The following HDAC8 variants were observed in gnomAD, a reference collection of about 807,000 sequenced individuals.
The protein encoded by HDAC8 is histone deacetylase-like 1.
HDAC8 carries 1 observed loss-of-function variant against 32.2 expected under a neutral mutation model. The observed-to-expected ratio is 0.03, with a 90% CI of 0.01 to 0.15. The LOEUF (loss-of-function observed/expected upper bound fraction) is 0.15. HDAC8 is among the 10% of genes least tolerant of loss of function. The pLI, the probability that HDAC8 is intolerant of heterozygous loss-of-function variation, is 1.00. For synonymous variants in HDAC8, 108 were observed against 113.9 expected (o/e 0.95, Z 0.33); for missense variants, 117 against 300.0 (o/e 0.39, Z 4.51).
chrX:72,530,445 T>G (rs995456756), intron 4 of HDAC8, among the ~76,000 whole-genome samples: 1 of 80,299 alleles, frequency 1.2e-5, no homozygotes, highest in Non-Finnish European at 2.3e-5. Flanking sequence ...ATTTTATGCG[T>G]TTTTTTTTTT....
At chrX:72,391,863 C>A (rs1555963979) in intron 9 of HDAC8, among the ~76,000 whole-genome samples, 1 of 111,300 alleles carries the variant, frequency 9.0e-6, no homozygotes, top group Non-Finnish European at 1.9e-5. Flanking sequence ...TGCAAGGAAC[C>A]TCTACTCTCA....
At chrX:72,378,281 A>T in intron 9 of HDAC8, among the ~76,000 whole-genome samples, 1 of 111,452 alleles carries the variant, frequency 9.0e-6, no homozygotes, top group Non-Finnish European at 1.9e-5. Context: ...TGCCATTCTC[A>T]TGGTAGTGAG....
intron 9 of HDAC8, among the ~76,000 whole-genome samples, chrX:72,435,787 G>T (rs2046932402): frequency 9.0e-6 from 1 of 110,869 alleles, no homozygotes; most frequent in Non-Finnish European, 1.9e-5. Context: ...GGCCAACATG[G>T]TGAAATCCTG....
At chrX:72,541,765 G>A (rs2050716306) in intron 4 of HDAC8, among the ~76,000 whole-genome samples, 1 of 111,230 alleles carries the variant, frequency 9.0e-6, no homozygotes. Context: ...AGGAGTCAAG[G>A]GCAATTCTGA....
At chrX:72,444,273 T>C (rs2047293858) in intron 9 of HDAC8, among the ~76,000 whole-genome samples, 1 of 105,234 alleles carries the variant, frequency 9.5e-6, no homozygotes, top group Non-Finnish European at 1.9e-5. Context: ...TGAACATTGA[T>C]GCAAAAATCC....
chrX:72,545,577 T>C (rs1366775078), intron 4 of HDAC8, among the ~76,000 whole-genome samples: 1 of 111,694 alleles, frequency 9.0e-6, no homozygotes, highest in Non-Finnish European at 1.9e-5. Flanking sequence ...TCTATAGGAA[T>C]TTTAGGAACA....
At chrX:72,355,529 G>A (rs2147752505) in intron 9 of HDAC8, among the ~76,000 whole-genome samples, 1 of 111,759 alleles carries the variant, frequency 8.9e-6, no homozygotes, top group Non-Finnish European at 1.9e-5. Flanking sequence ...ATGAGATGGG[G>A]CAGAGGGATG....
intron 4 of HDAC8, among the ~76,000 whole-genome samples, chrX:72,561,356 A>C (rs1201146635): frequency 4.4e-5 from 5 of 112,678 alleles, no homozygotes; most frequent in Non-Finnish European, 9.4e-5. Flanking sequence ...ATGGAACAGA[A>C]TAGAGAAGCT....
intron 9 of HDAC8, among the ~76,000 whole-genome samples, chrX:72,402,408 C>G (rs1397305374): frequency 1.3e-5 from 1 of 79,930 alleles, no homozygotes; most frequent in Admixed American, 1.3e-4. Context: ...TTAGTGTGTT[C>G]TTTTCTTTTT....
chrX:72,422,731 T>C (rs2046527880), intron 9 of HDAC8, among the ~76,000 whole-genome samples: 2 of 112,102 alleles, frequency 1.8e-5, no homozygotes, highest in African/African-American at 6.5e-5. Flanking sequence ...TCATCCATCT[T>C]AGGGTTTTTG....
chrX:72,497,780 T>C lies in HDAC8; in HGVS notation c.438-2512A>G, dbSNP rs111532865. Among the ~76,000 whole-genome samples the C allele has an allele frequency of 1.3e-4, 14 of 111,997 alleles. No homozygotes were observed. In the South Asian group the frequency reaches 5.1e-3, roughly 41 times the overall value. On this transcript the variant is annotated intron_variant, in intron 4 of 10. Coordinates refer to ENST00000373573, the MANE Select transcript of HDAC8 (RefSeq NM_018486.3). ...ACTTGAAGATAATTTATAAAATCTT[T>C]AGGTAACTAAAAACTTTGAGCTGAT...
In HDAC8 at chrX:72,505,084, T is replaced by A. The variant is rs926959985; in HGVS notation, c.438-9816A>T. On this transcript the variant is annotated intron_variant, in intron 4 of 10. Transcript: ENST00000373573. Reference sequence around the variant, plus strand: ...TTTAAAATTTTTAAAAATTTAAAAATTTTTTAATTTTTTTTTTGCTGTTGA... The same window carrying A: ...TTTAAAATTTTTAAAAATTTAAAAAATTTTTAATTTTTTTTTTGCTGTTGA... Among the ~76,000 whole-genome samples the A allele has an allele frequency of 6.3e-5, 7 of 110,900 alleles. No individual in the cohort carries two copies. The East Asian group carries it at 1.7e-3, about 27-fold the overall frequency.
intron 10 of HDAC8, among the ~76,000 whole-genome samples, chrX:72,346,647 G>A (rs1288588760): frequency 1.8e-5 from 2 of 111,578 alleles, no homozygotes; most frequent in Non-Finnish European, 3.8e-5. Context: ...GACTGGGTCT[G>A]GTGGCTACAG....
chrX:72,371,103 C>T (rs2044861237), intron 9 of HDAC8, among the ~76,000 whole-genome samples: 2 of 111,462 alleles, frequency 1.8e-5, no homozygotes, highest in African/African-American at 6.5e-5. Context: ...AAGAAAAGGT[C>T]CTTATCTGTT....
chrX:72,413,164 C>T lies in HDAC8; in HGVS notation c.1005+48840G>A, dbSNP rs200006577. Among the ~76,000 whole-genome samples the T allele has an allele frequency of 1.7e-4, 18 of 108,884 alleles. No homozygotes were observed. The East Asian group carries it at 3.8e-3, about 23-fold the overall frequency. The allele number at this position is 108,884 out of a possible 115,157, so 94.6% of individuals were successfully genotyped here. A position where few individuals can be genotyped will look rare whatever the true frequency, so the allele number is the denominator to read the frequency against. On this transcript the variant is annotated intron_variant, in intron 9 of 10. Coordinates refer to ENST00000373573, the MANE Select transcript of HDAC8 (RefSeq NM_018486.3). The stretch of plus-strand genomic sequence containing the variant: ...TAAGTTTTAGGGTACATGTGCACAA[C>T]GTGCAGGTTAGTTACATATGTATAC...
chrX:72,447,639 A>G (rs1232835755), intron 9 of HDAC8, among the ~76,000 whole-genome samples: 1 of 112,021 alleles, frequency 8.9e-6, no homozygotes, highest in African/African-American at 3.2e-5. Context: ...GAAGAGAGGA[A>G]GTCAAATTGT....
At chrX:72,392,215 A>ACATC (rs1243093679) in intron 9 of HDAC8, among the ~76,000 whole-genome samples, 1 of 111,902 alleles carries the variant, frequency 8.9e-6, no homozygotes, top group African/African-American at 3.2e-5. Context: ...ACACAGACAG[A>ACATC]CATCCCTGTG....
intron 4 of HDAC8, among the ~76,000 whole-genome samples, chrX:72,531,452 A>G (rs150608561): frequency 0.011 from 1,204 of 111,900 alleles, 17 homozygotes; most frequent in African/African-American, 0.037. Context: ...GAAAAGTTTT[A>G]TTTTCTGGTC....
At chrX:72,513,328 C>T (rs1569359691) in intron 4 of HDAC8, among the ~76,000 whole-genome samples, 1 of 102,565 alleles carries the variant, frequency 9.7e-6, no homozygotes, top group Non-Finnish European at 2.0e-5. Context: ...TTTCTAATTA[C>T]TTTTTTTTTT....
Sources: gnomAD v4.1 joint callset for allele counts (sites outside exome capture counted in the v4.1 genomes callset) on GRCh38, gnomAD v4.1.1 for gene constraint, MANE v1.5 for transcripts, NCBI Gene and HGNC (gene_info 2026-07-23, HGNC 2026-07-21) for gene names.